Variants in GNG4 observed in about 807,000 individuals in gnomAD.
GNG4 encodes the protein guanine nucleotide-binding protein G(I)/G(S)/G(O) subunit gamma-4.
Under a neutral mutation model 5.8 loss-of-function variants are expected in GNG4, and 4 were observed. That is an observed-to-expected ratio of 0.69 (90% confidence interval 0.34 to 1.57). The LOEUF (loss-of-function observed/expected upper bound fraction) is 1.57, where lower values mean the gene tolerates loss of function less well. Among genes scored for constraint, GNG4 ranks in the 40% most tolerant of loss-of-function variants. The pLI is 0.06. For missense variants in GNG4, 96 were observed against 95.1 expected (o/e 1.01, Z -0.04); for synonymous variants, 29 against 32.9 (o/e 0.88, Z 0.41).
intron 3 of GNG4, among the ~76,000 whole-genome samples, chr1:235,570,865 T>C (rs1687319090): frequency 1.3e-5 from 2 of 149,448 alleles, no homozygotes; most frequent in Non-Finnish European, 1.5e-5. Context: ...TATATATATG[T>C]GTGTGTGTGT....
intron 1 of GNG4, among the ~76,000 whole-genome samples, chr1:235,611,445 A>G (rs1688473100): frequency 6.6e-6 from 1 of 152,070 alleles, no homozygotes; most frequent in African/African-American, 2.4e-5. Flanking sequence ...ATGTGCTGGG[A>G]TTATACATGT....
intron 1 of GNG4, among the ~76,000 whole-genome samples, chr1:235,596,250 AC>A (rs1289385681): frequency 7.2e-6 from 1 of 139,146 alleles, no homozygotes; most frequent in African/African-American, 2.7e-5. Flanking sequence ...ACACACACAC[AC>A]ACCTGGCCGG....
At chr1:235,553,442 T>C (rs1325067520) in intron 3 of GNG4, among the ~76,000 whole-genome samples, 1 of 152,156 alleles carries the variant, frequency 6.6e-6, no homozygotes, top group Non-Finnish European at 1.5e-5. Context: ...ACATTCAATG[T>C]CTAAATCTTC....
At chr1:235,581,635 G>A (rs900331986) in intron 3 of GNG4, among the ~76,000 whole-genome samples, 15 of 151,624 alleles carry the variant, frequency 9.9e-5, no homozygotes, top group African/African-American at 3.2e-4. Flanking sequence ...TGAGGCCTCC[G>A]CACCCTCCGC....
intron 2 of GNG4, among the ~76,000 whole-genome samples, chr1:235,586,842 C>A (rs896785718): frequency 2.0e-5 from 3 of 152,212 alleles, no homozygotes; most frequent in Admixed American, 6.5e-5. Context: ...GCCAATTAAA[C>A]CTCTTTCCTT....
At chr1:235,613,971 G>A (rs1345015665) in intron 1 of GNG4, among the ~76,000 whole-genome samples, 4 of 152,216 alleles carry the variant, frequency 2.6e-5, no homozygotes, top group East Asian at 3.9e-4. Flanking sequence ...GAGTCACCAC[G>A]ACTGGCTAAT....
chr1:235,596,978 C>T (rs1378690737), intron 1 of GNG4, among the ~76,000 whole-genome samples: 1 of 152,060 alleles, frequency 6.6e-6, no homozygotes, highest in African/African-American at 2.4e-5. Flanking sequence ...AAGGGATCCT[C>T]CCACCTACGG....
In GNG4 at chr1:235,642,167, G is replaced by A. The variant is rs956414299; in HGVS notation, c.-123+7495C>T. ...TCACAGCTAACCACAGCGGTCCGAG[G>A]CGAACGCAGGGTGGAAGAACCCGAG... On this transcript the variant is annotated intron_variant, in intron 1 of 3. Transcript: ENST00000391854. The surrounding 1 kb of genome is among the most constrained non-coding windows in gnomAD (Gnocchi z 4.3). 6.6e-6 allele frequency among the ~76,000 whole-genome samples: 1 copy of A among 152,190 alleles called. No individual in the cohort carries two copies. The highest frequency in any genetic ancestry group is 1.5e-5 in the Non-Finnish European group (1 of 68,046).
intron 3 of GNG4, among the ~76,000 whole-genome samples, chr1:235,578,269 C>T (rs1687534784): frequency 6.6e-6 from 1 of 152,048 alleles, no homozygotes; most frequent in Non-Finnish European, 1.5e-5. Flanking sequence ...ATCAAAAATA[C>T]ACAAGATGAC....
intron 3 of GNG4, among the ~76,000 whole-genome samples, chr1:235,574,421 T>C (rs1247856938): frequency 6.6e-6 from 1 of 152,008 alleles, no homozygotes; most frequent in Non-Finnish European, 1.5e-5. Flanking sequence ...AACAGAGAAG[T>C]AGTATCATTT....
chr1:235,591,395 G>A (rs776846488), intron 2 of GNG4, among the ~76,000 whole-genome samples: 25 of 152,334 alleles, frequency 1.6e-4, no homozygotes, highest in Middle Eastern at 3.4e-3. Flanking sequence ...GGAAATCCCT[G>A]GTGGGGGAGA....
intron 1 of GNG4, among the ~76,000 whole-genome samples, chr1:235,613,388 G>A (rs927555932): frequency 3.3e-5 from 5 of 152,200 alleles, no homozygotes; most frequent in Non-Finnish European, 7.3e-5. Context: ...ACATGATAAT[G>A]GGGGTTTTAG....
At chr1:235,594,485 C>T (rs990362735) in intron 2 of GNG4, among the ~76,000 whole-genome samples, 7 of 152,110 alleles carry the variant, frequency 4.6e-5, no homozygotes, top group South Asian at 2.1e-4. Context: ...GAGCAGGGGG[C>T]GGTGATTGTC....
chr1:235,583,887 C>A, intron 2 of GNG4, 39 bp from the exon 3 acceptor site: 1 of 1,348,388 alleles, frequency 7.4e-7, no homozygotes, highest in South Asian at 1.2e-5. Context: ...AAGAGCTGCT[C>A]TTCCAAGGGT....
rs1558490841 is a variant in GNG4 at position 235,596,212 on chromosome 1, ACACACACAC to A, written c.-122-710_-122-702del. The stretch of plus-strand genomic sequence containing the variant: ...AAACAAAAACAAACAAACAAAATAC[ACACACACAC>A]ACACACACACACACACACACACACA... On this transcript the variant is annotated intron_variant, in intron 1 of 3. Transcript: ENST00000391854. 3.4e-3 allele frequency among the ~76,000 whole-genome samples: 356 copies of A among 105,450 alleles called. 2 individuals are homozygous for A. Among genetic ancestry groups the A allele is most frequent in the African/African-American group, 0.026 (320 of 12,488 alleles). The allele number at this position is 105,450 out of a possible 152,430, so 69.2% of individuals were successfully genotyped here.
rs1006223461 is a variant in GNG4, at chr1:235,570,280, G to A, written c.99+13460C>T. Among the ~76,000 whole-genome samples, 9 of 151,958 alleles carry A rather than the reference G, an allele frequency of 5.9e-5. No individual in the cohort carries two copies. In the East Asian group the frequency reaches 1.6e-3, roughly 26 times the overall value. On this transcript the variant is annotated intron_variant, in intron 3 of 3. Coordinates refer to ENST00000391854, the MANE Select transcript of GNG4 (RefSeq NM_001098722.2). ...AGGCCTGTCTCCAGGTCATCACTGT[G>A]GCTTTCCACAGCATGTGTGCCACTC...
intron 1 of GNG4, among the ~76,000 whole-genome samples, chr1:235,596,158 A>T (rs2988742): frequency 0.59 from 88,221 of 150,550 alleles, 26,339 homozygotes; most frequent in East Asian, 0.79. Flanking sequence ...TGGGTGACAG[A>T]GCGAGACTCT....
chr1:235,572,404 T>C (rs763594468), intron 3 of GNG4, among the ~76,000 whole-genome samples: 1 of 152,134 alleles, frequency 6.6e-6, no homozygotes, highest in Non-Finnish European at 1.5e-5. Context: ...TTCACCATCT[T>C]GGCCAGGCTG....
chr1:235,573,500 C>G (rs994245425), intron 3 of GNG4, among the ~76,000 whole-genome samples: 1 of 151,900 alleles, frequency 6.6e-6, no homozygotes, highest in Non-Finnish European at 1.5e-5. Flanking sequence ...ACTCACGGCC[C>G]GGTGCGGTAG....
Sources: gnomAD v4.1 joint callset for allele counts (sites outside exome capture counted in the v4.1 genomes callset) on GRCh38, gnomAD v4.1.1 for gene constraint, Gnocchi (gnomAD v3.1) non-coding constraint, MANE v1.5 for transcripts, NCBI Gene and HGNC (gene_info 2026-07-23, HGNC 2026-07-21) for gene names.